The following NFATC2 variants were observed in gnomAD, a reference collection of about 807,000 sequenced individuals.
NFATC2 encodes nuclear factor of activated T cells 2, also known as nuclear factor of activated T-cells, cytoplasmic 2.
A neutral mutation model predicts 87.3 loss-of-function variants in NFATC2; 22 were observed. That is an observed-to-expected ratio of 0.25 (90% CI 0.18 to 0.36). NFATC2 has a LOEUF of 0.36. Among genes scored for constraint, NFATC2 ranks in the 10% least tolerant of loss-of-function variants. NFATC2 has a pLI of 1.00. For missense variants in NFATC2, 1,149 were observed against 1,259.1 expected, an observed-to-expected ratio of 0.91 and a Z score of 1.32; for synonymous variants, 565 against 542.2, an observed-to-expected ratio of 1.04 and a Z score of -0.58.
At chr20:51,498,713 G>T in intron 3 of NFATC2, among the ~76,000 whole-genome samples, 1 of 152,240 alleles carries the variant, frequency 6.6e-6, no homozygotes, top group Non-Finnish European at 1.5e-5. Flanking sequence ...TTTGAACCCA[G>T]GGGGTGGAGC....
chr20:51,511,775 G>A (rs532314547), intron 3 of NFATC2, among the ~76,000 whole-genome samples: 5 of 152,290 alleles, frequency 3.3e-5, no homozygotes, highest in Middle Eastern at 3.4e-3. Context: ...TGCTTCTTCC[G>A]TAACTTCTTC....
intron 6 of NFATC2, among the ~76,000 whole-genome samples, chr20:51,439,816 A>G (rs946741682): frequency 6.6e-6 from 1 of 152,212 alleles, no homozygotes; most frequent in African/African-American, 2.4e-5. Flanking sequence ...ATGATTTGTG[A>G]GACCTTAGAT....
At chr20:51,397,394 T>G (rs939210526) in intron 10 of NFATC2, among the ~76,000 whole-genome samples, 2 of 152,166 alleles carry the variant, frequency 1.3e-5, no homozygotes, top group African/African-American at 2.4e-5. Flanking sequence ...GGGTGGGGTC[T>G]GAAGAGTGAT....
At chr20:51,465,325 A>G (rs181033668) in intron 5 of NFATC2, among the ~76,000 whole-genome samples, 178 of 152,298 alleles carry the variant, frequency 1.2e-3, no homozygotes, top group African/African-American at 4.2e-3. Flanking sequence ...GGCTGCAGTG[A>G]GCCAAGATTG....
At chr20:51,508,500 C>CA in intron 3 of NFATC2, among the ~76,000 whole-genome samples, 1 of 152,060 alleles carries the variant, frequency 6.6e-6, no homozygotes, top group Non-Finnish European at 1.5e-5. Flanking sequence ...CCAGTCTCAT[C>CA]AAAAGACTGG....
chr20:51,502,396 G>A (rs1249286612), intron 3 of NFATC2, among the ~76,000 whole-genome samples: 1 of 152,156 alleles, frequency 6.6e-6, no homozygotes, highest in African/African-American at 2.4e-5. Flanking sequence ...CATGATCACA[G>A]CTCACTGCAG....
intron 1 of NFATC2, among the ~76,000 whole-genome samples, chr20:51,528,175 C>G (rs1029768718): frequency 6.6e-6 from 1 of 152,020 alleles, no homozygotes; most frequent in Non-Finnish European, 1.5e-5. Flanking sequence ...TTACTACAAC[C>G]CTGACTGTAA....
chr20:51,494,957 G>A (rs1325381584), intron 3 of NFATC2, among the ~76,000 whole-genome samples: 1 of 152,134 alleles, frequency 6.6e-6, no homozygotes, highest in Non-Finnish European at 1.5e-5. Context: ...TGGAAAGGAG[G>A]TCAGCACAGC....
chr20:51,543,969 T>C (rs2146814920), upstream of NFATC2, among the ~76,000 whole-genome samples: 1 of 144,234 alleles, frequency 6.9e-6, no homozygotes, highest in East Asian at 2.2e-4. Flanking sequence ...TGAAGCAGAA[T>C]TCCTAATTTT....
intron 5 of NFATC2, among the ~76,000 whole-genome samples, chr20:51,472,013 G>T (rs978133300): frequency 2.0e-5 from 3 of 152,150 alleles, no homozygotes; most frequent in African/African-American, 7.2e-5. Context: ...AGCACTTTGG[G>T]AGGCTGAGGT....
At chr20:51,414,545 C>T (rs1979755678) in intron 9 of NFATC2, among the ~76,000 whole-genome samples, 1 of 152,052 alleles carries the variant, frequency 6.6e-6, no homozygotes, top group Admixed American at 6.6e-5. Flanking sequence ...AAAAATTAGC[C>T]AGGTGTGGTG....
At chr20:51,487,623 A>T (rs1265601989) in intron 3 of NFATC2, among the ~76,000 whole-genome samples, 1 of 152,228 alleles carries the variant, frequency 6.6e-6, no homozygotes, top group Non-Finnish European at 1.5e-5. Context: ...CAGCTGAAAA[A>T]GAACCCCAAG....
chr20:51,542,754 G>GC (rs1555819134), upstream of NFATC2: 14 of 476,960 alleles, frequency 2.9e-5, 1 homozygote, highest in East Asian at 3.7e-4. Flanking sequence ...GGAGGCGGGG[G>GC]GGGGGGGGGC....
intron 6 of NFATC2, among the ~76,000 whole-genome samples, chr20:51,439,493 C>T (rs1984027025): frequency 6.6e-6 from 1 of 152,350 alleles, no homozygotes; most frequent in African/African-American, 2.4e-5. Flanking sequence ...CTCTGAGTTC[C>T]AGCCACAGCA....
intron 8 of NFATC2, among the ~76,000 whole-genome samples, chr20:51,434,678 A>T (rs1478359344): frequency 1.3e-5 from 2 of 152,236 alleles, no homozygotes; most frequent in Non-Finnish European, 2.9e-5. Flanking sequence ...AAATGAATGC[A>T]TGAAAAAATG....
intron 3 of NFATC2, among the ~76,000 whole-genome samples, chr20:51,487,805 A>AG (rs200868363): frequency 7.0e-6 from 1 of 142,762 alleles, no homozygotes; most frequent in East Asian, 2.2e-4. Context: ...TTTTGCCACA[A>AG]GGGGGAAAAA....
At chr20:51,430,984 A>G (rs1982619338) in intron 9 of NFATC2, among the ~76,000 whole-genome samples, 1 of 152,192 alleles carries the variant, frequency 6.6e-6, no homozygotes, top group Non-Finnish European at 1.5e-5. Context: ...CTATTAAGAA[A>G]AAACTCCAGT....
At chr20:51,407,175 G>C (rs1010735570) in intron 9 of NFATC2, among the ~76,000 whole-genome samples, 2 of 152,112 alleles carry the variant, frequency 1.3e-5, no homozygotes, top group Non-Finnish European at 2.9e-5. Context: ...GACGTTTGGA[G>C]GGCTCTCTTG....
intron 1 of NFATC2, among the ~76,000 whole-genome samples, chr20:51,541,200 C>G (rs945227644): frequency 3.4e-4 from 51 of 152,174 alleles, no homozygotes; most frequent in African/African-American, 1.2e-3. Flanking sequence ...CATCAGGCCA[C>G]CAAGCCTCCT....
Sources: gnomAD v4.1 joint callset for allele counts (sites outside exome capture counted in the v4.1 genomes callset) on GRCh38, gnomAD v4.1.1 for gene constraint, MANE v1.5 for transcripts, NCBI Gene and HGNC (gene_info 2026-07-23, HGNC 2026-07-21) for gene names.